Variants in FN1 observed in about 807,000 individuals in gnomAD.
FN1 encodes the protein fibronectin.
In FN1, 106 loss-of-function variants were observed where a neutral mutation model predicts 297.3. The ratio of observed to expected loss-of-function variants is 0.36; its 90% CI spans 0.30 to 0.42. The LOEUF (loss-of-function observed/expected upper bound fraction) is 0.42. Ranked by LOEUF, FN1 falls within the 10% of genes least tolerant of loss-of-function variation. The probability of loss-of-function intolerance (pLI) is 1.00; values close to 1 mark genes in which losing one functional copy is unlikely to be tolerated. For synonymous variants in FN1, 1,149 were observed against 1,152.6 expected, an observed-to-expected ratio of 1.00 and a Z score of 0.06; for missense variants, 2,690 against 3,124.9, an observed-to-expected ratio of 0.86 and a Z score of 3.32.
intron 10 of FN1, chr2:215,421,248 G>A (rs1209393796): frequency 1.3e-5 from 3 of 238,484 alleles, no homozygotes; most frequent in South Asian, 5.5e-5. Context: ...GGAAGGGGAG[G>A]AGATACTTAG....
chr2:215,401,259 A>ATAGAAAGAAAGG (rs2061086894), intron 20 of FN1, among the ~76,000 whole-genome samples: 1 of 81,748 alleles, frequency 1.2e-5, no homozygotes, highest in African/African-American at 4.8e-5. Context: ...AGGAAGAAAG[A>ATAGAAAGAAAGG]AAGGAAGGAA....
At chr2:215,385,662 T>C (rs1032331662) in intron 28 of FN1, among the ~76,000 whole-genome samples, 21 of 151,920 alleles carry the variant, frequency 1.4e-4, no homozygotes, top group South Asian at 2.1e-4. Flanking sequence ...AAAATACAGA[T>C]AACATGATGC....
At chr2:215,423,167 A>G (rs565180004) in intron 9 of FN1, among the ~76,000 whole-genome samples, 183 bp downstream of exon 9, 24 of 143,526 alleles carry the variant, frequency 1.7e-4, no homozygotes, top group Non-Finnish European at 3.4e-4. Flanking sequence ...ATCCTTATGT[A>G]TATGATGTAA....
chr2:215,390,466 C>T (rs771014928), intron 26 of FN1, among the ~76,000 whole-genome samples: 3 of 152,092 alleles, frequency 2.0e-5, no homozygotes, highest in Non-Finnish European at 2.9e-5. Context: ...ATTATACAGG[C>T]GAGAGCCACT....
At chr2:215,393,484 G>C (rs2059954063) in intron 24 of FN1, 1 of 158,496 alleles carries the variant, frequency 6.3e-6, no homozygotes, top group Admixed American at 6.5e-5. Flanking sequence ...GGTACAATTT[G>C]AACTGTTCAG....
At chr2:215,377,608 C>G (rs543102714) in intron 35 of FN1, among the ~76,000 whole-genome samples, 1 of 152,196 alleles carries the variant, frequency 6.6e-6, no homozygotes, top group African/African-American at 2.4e-5. Context: ...TCCTGTAAAG[C>G]CTGCTGGCCT....
At position 215,361,545 on chromosome 2, in the gene FN1, G is replaced by C. The variant is rs376904873; in HGVS notation, c.*10C>G. ...GAGACATGCTTGTTCCTCTGGATTGGAAAGATGATTTACTCTCGGGAATCT... is the reference window on the plus strand; with the variant it reads ...GAGACATGCTTGTTCCTCTGGATTGCAAAGATGATTTACTCTCGGGAATCT... On this transcript the variant is annotated 3_prime_UTR_variant, in exon 46 of 46. Coordinates refer to ENST00000354785, the MANE Select transcript of FN1 (RefSeq NM_212482.4). The C allele has an allele frequency of 6.3e-7, 1 of 1,586,740 alleles. No individual in the cohort carries two copies.
rs766349053 is a variant in FN1 at position 215,434,821 on chromosome 2, C to A, written c.152G>T (p.Gly51Val). 4.4e-6 allele frequency: 7 copies of A among 1,605,648 alleles called. No homozygotes were observed. The highest frequency in any genetic ancestry group is 5.9e-6 in the Non-Finnish European group (7 of 1,178,110). The stretch of plus-strand genomic sequence containing the variant: ...ATAGTGTTTTCCATTGTCATAACAA[C>A]CGGCTGCAAATAATTGAAGGAAAAC... Reference protein sequence around the residue: ...SPVAVSQSKPGCYDNGKHYQI... With the variant: ...SPVAVSQSKPVCYDNGKHYQI... The change falls in exon 2 of 46, where the codon GGT (glycine) becomes GTT (valine). Residue 51 changes from glycine to valine, a missense_variant. Coordinates refer to ENST00000354785, the MANE Select transcript of FN1 (RefSeq NM_212482.4).
chr2:215,391,487 T>A, intron 26 of FN1, 145 bp downstream of exon 26: 1 of 699,664 alleles, frequency 1.4e-6, no homozygotes, highest in Non-Finnish European at 2.6e-6. Flanking sequence ...CTTTCAAAAT[T>A]AATGGAGCTG....
At chr2:215,412,668 G>C (rs1341448386) in intron 13 of FN1, among the ~76,000 whole-genome samples, 1 of 151,098 alleles carries the variant, frequency 6.6e-6, no homozygotes, top group Non-Finnish European at 1.5e-5. Flanking sequence ...TTTCCTTCCA[G>C]AATCTTGGAC....
At chr2:215,430,906 A>C in intron 4 of FN1, 54 bp from the exon 5 acceptor site, 2 of 1,593,918 alleles carry the variant, frequency 1.3e-6, no homozygotes, top group Admixed American at 1.7e-5. Flanking sequence ...TGAATTGTGC[A>C]AGCTCCCTGT....
chr2:215,370,623 G>C, intron 40 of FN1, 191 bp from the exon 41 acceptor site: 1 of 584,254 alleles, frequency 1.7e-6, no homozygotes, highest in Non-Finnish European at 3.0e-6. Context: ...ACAAGGATAG[G>C]GGCCATCGTT....
Position 215,365,714 on chromosome 2 carries a change from A to G in FN1, c.7019-84T>C, listed in dbSNP as rs1418242945. 3 of 1,315,612 alleles carry G rather than the reference A, an allele frequency of 2.3e-6. No individual in the cohort carries two copies. The African/African-American group carries it at 4.4e-5, about 19-fold the overall frequency. The allele number at this position is 1,315,612 out of a possible 1,614,324, so 81.5% of individuals were successfully genotyped here. A position where few individuals can be genotyped will look rare whatever the true frequency, so the allele number is the denominator to read the frequency against. ...CAGTAGGTGAACTGGGACGTGTCAC[A>G]GGGTCTTCAGAACCATGATCTGGAA... On this transcript the variant is annotated intron_variant, in intron 42 of 45. Transcript: ENST00000354785.
rs2057141051 is a variant in FN1 at position 215,375,613 on chromosome 2, T to C, written c.5977+16A>G. 1 of 1,563,222 alleles carries C rather than the reference T, an allele frequency of 6.4e-7. No homozygotes were observed. Among genetic ancestry groups the C allele is most frequent in the South Asian group, 1.1e-5 (1 of 90,040 alleles). Reference sequence around the variant, plus strand: ...ATACAAGTCAATGGCATTTCCTCAGTAGAAGGTATAGTTACCAGTGGAGGC... The same window carrying C: ...ATACAAGTCAATGGCATTTCCTCAGCAGAAGGTATAGTTACCAGTGGAGGC... On this transcript the variant is annotated intron_variant, in intron 37 of 45. Coordinates refer to ENST00000354785, the MANE Select transcript of FN1 (RefSeq NM_212482.4).
intron 44 of FN1, 29 bp downstream of exon 44, chr2:215,364,850 T>TACA (rs2054216510): frequency 6.8e-7 from 1 of 1,462,388 alleles, no homozygotes; most frequent in Non-Finnish European, 9.3e-7. Flanking sequence ...TTATCTAACT[T>TACA]GTAGGGAGCC....
In FN1 at chr2:215,385,998, G is replaced by A. The variant is rs572975348; in HGVS notation, c.4612+691C>T. ...TCATCATGTTGGCCAGGATGGTCTCGATCTCTTGACCTCGTGATCCACCCG... is the reference window on the plus strand; with the variant it reads ...TCATCATGTTGGCCAGGATGGTCTCAATCTCTTGACCTCGTGATCCACCCG... On this transcript the variant is annotated intron_variant, in intron 28 of 45. Coordinates refer to ENST00000354785, the MANE Select transcript of FN1 (RefSeq NM_212482.4). Among the ~76,000 whole-genome samples, 592 of 150,332 alleles carry A rather than the reference G, an allele frequency of 3.9e-3. 2 individuals are homozygous for A. Among genetic ancestry groups the A allele is most frequent in the African/African-American group, 0.013 (536 of 40,914 alleles).
intron 40 of FN1, among the ~76,000 whole-genome samples, chr2:215,371,066 G>A (rs762463317): frequency 7.9e-5 from 12 of 152,082 alleles, no homozygotes; most frequent in Non-Finnish European, 1.2e-4. Flanking sequence ...TCAGGAGATC[G>A]AGACCATCCT....
intron 2 of FN1, among the ~76,000 whole-genome samples, 168 bp downstream of exon 2, chr2:215,434,528 G>A (rs781640336): frequency 1.5e-4 from 23 of 152,076 alleles, no homozygotes; most frequent in Non-Finnish European, 2.9e-4. Context: ...TTGTTTTAAA[G>A]GTAAAAGCAT....
rs372287853 is a variant in FN1, at chr2:215,393,065, A to G, written c.3935T>C (p.Phe1312Ser). The G allele has an allele frequency of 2.5e-6, 4 of 1,613,966 alleles. No individual in the cohort carries two copies. Among genetic ancestry groups the G allele is most frequent in the Non-Finnish European group, 3.4e-6 (4 of 1,180,036 alleles). Residue 1312 changes from phenylalanine (F) to serine (S), a missense_variant, in exon 25 of 46, where the codon TTT becomes TCT. By Grantham distance (155) the Phe-to-Ser change is radical. Transcript: ENST00000354785. The part of the protein sequence containing the change: ...VVAAGEGIPI[F>S]EDFVDSSVGY... ...TACTGAGGAGTCCACAAAATCTTCA[A>G]AAATAGGGATACCTTCTCCTGCCGC... is the stretch of plus-strand genomic sequence containing the variant.
Sources: allele counts gnomAD v4.1 joint callset (sites outside exome capture counted in the v4.1 genomes callset), GRCh38; gene constraint gnomAD v4.1.1; transcripts MANE v1.5; gene names NCBI Gene and HGNC (gene_info 2026-07-23, HGNC 2026-07-21).